RORA: variants seen among roughly 807,000 people sequenced by gnomAD.
The protein encoded by RORA is nuclear receptor ROR-alpha.
In RORA, 7 loss-of-function variants were observed where a neutral mutation model predicts 69.5. The ratio of observed to expected loss-of-function variants is 0.10; its 90% confidence interval spans 0.06 to 0.19. RORA has a LOEUF of 0.19. Among genes scored for constraint, RORA ranks in the 10% least tolerant of loss-of-function variants. RORA has a pLI of 1.00. For synonymous variants in RORA, 261 were observed against 240.8 expected, an observed-to-expected ratio of 1.08 and a Z score of -0.78; for missense variants, 457 against 663.0, an observed-to-expected ratio of 0.69 and a Z score of 3.41.
chr15:60,823,537 C>T (rs768666665), intron 1 of RORA, among the ~76,000 whole-genome samples: 3 of 152,180 alleles, frequency 2.0e-5, no homozygotes, highest in Non-Finnish European at 4.4e-5. Flanking sequence ...ACAGTGGGCA[C>T]TCAATACACA....
chr15:61,107,801 A>G (rs892466813), intron 1 of RORA, among the ~76,000 whole-genome samples: 1 of 151,994 alleles, frequency 6.6e-6, no homozygotes, highest in African/African-American at 2.4e-5. Context: ...GCAATTTAAC[A>G]AGACTTCACT....
chr15:60,650,235 A>G (rs540246095), intron 2 of RORA, among the ~76,000 whole-genome samples: 174 of 152,232 alleles, frequency 1.1e-3, no homozygotes, highest in Middle Eastern at 0.01. Context: ...GAGCTACCAC[A>G]AAACAAACAA....
intron 1 of RORA, among the ~76,000 whole-genome samples, chr15:61,206,661 C>A (rs1242059628): frequency 6.6e-6 from 1 of 152,180 alleles, no homozygotes; most frequent in Non-Finnish European, 1.5e-5. Flanking sequence ...AAAAATTTCA[C>A]CACTTTAAAG....
chr15:60,665,512 C>T (rs1185639610), intron 2 of RORA, among the ~76,000 whole-genome samples: 1 of 152,174 alleles, frequency 6.6e-6, no homozygotes, highest in Non-Finnish European at 1.5e-5. Flanking sequence ...TTAAATCTTA[C>T]AAACTGCAGA....
At chr15:60,648,811 G>A (rs1278819180) in intron 2 of RORA, among the ~76,000 whole-genome samples, 1 of 152,132 alleles carries the variant, frequency 6.6e-6, no homozygotes, top group African/African-American at 2.4e-5. Flanking sequence ...TCTTTTTGAG[G>A]GGGGAGAGGG....
chr15:61,149,664 A>G (rs973354756), intron 1 of RORA, among the ~76,000 whole-genome samples: 1 of 152,180 alleles, frequency 6.6e-6, no homozygotes, highest in Non-Finnish European at 1.5e-5. Context: ...TCCAGCCAGG[A>G]GCTCCAGGTA....
chr15:60,607,375 T>A (rs1456201171), intron 2 of RORA, among the ~76,000 whole-genome samples: 1 of 152,232 alleles, frequency 6.6e-6, no homozygotes, highest in Non-Finnish European at 1.5e-5. Flanking sequence ...AGTGATTTAG[T>A]TTAGGCACTT....
At chr15:60,583,770 G>A (rs925560205) in intron 2 of RORA, among the ~76,000 whole-genome samples, 1 of 152,130 alleles carries the variant, frequency 6.6e-6, no homozygotes, top group Non-Finnish European at 1.5e-5. Flanking sequence ...CTCACATCTG[G>A]CACCTCTTCC....
chr15:60,811,597 G>A (rs2072743362), intron 1 of RORA, among the ~76,000 whole-genome samples: 1 of 152,142 alleles, frequency 6.6e-6, no homozygotes. Flanking sequence ...GTTTAACATA[G>A]TAAAACAGTC....
At chr15:60,822,852 T>C (rs1029252474) in intron 1 of RORA, among the ~76,000 whole-genome samples, 1 of 152,196 alleles carries the variant, frequency 6.6e-6, no homozygotes, top group African/African-American at 2.4e-5. Context: ...TTCTAATATA[T>C]GCTAAGCTAA....
At chr15:60,958,433 A>C (rs1292614902) in intron 1 of RORA, among the ~76,000 whole-genome samples, 2 of 152,164 alleles carry the variant, frequency 1.3e-5, no homozygotes, top group Non-Finnish European at 2.9e-5. Flanking sequence ...TGGAGAGGAA[A>C]GTGGGATTTT....
chr15:60,781,794 G>T (rs1156825412), intron 1 of RORA, among the ~76,000 whole-genome samples: 1 of 152,200 alleles, frequency 6.6e-6, no homozygotes, highest in East Asian at 1.9e-4. Context: ...GGAACTGTTT[G>T]TTTCCCATTT....
At chr15:60,505,655 A>G (rs2065476144) in intron 5 of RORA, 26 bp from the exon 6 acceptor site, 2 of 1,608,614 alleles carry the variant, frequency 1.2e-6, no homozygotes, top group African/African-American at 1.3e-5. Flanking sequence ...GAGATCACAA[A>G]CACGAAAAGC....
At chr15:61,162,868 C>T (rs920418093) in intron 1 of RORA, among the ~76,000 whole-genome samples, 22 of 152,150 alleles carry the variant, frequency 1.4e-4, no homozygotes, top group Admixed American at 5.9e-4. Flanking sequence ...GAAACAAGGC[C>T]ACTATTACTG....
intron 1 of RORA, among the ~76,000 whole-genome samples, chr15:60,863,486 CA>C (rs1381831771): frequency 6.6e-6 from 1 of 152,200 alleles, no homozygotes; most frequent in Non-Finnish European, 1.5e-5. Flanking sequence ...GAACAGCACT[CA>C]AACACATTCT....
At chr15:60,548,707 G>T (rs530918218) in intron 2 of RORA, among the ~76,000 whole-genome samples, 1 of 152,006 alleles carries the variant, frequency 6.6e-6, no homozygotes, top group Non-Finnish European at 1.5e-5. Context: ...GCGCGATCTC[G>T]GCTCACTGCA....
chr15:61,046,174 G>A (rs1649953538), intron 1 of RORA, among the ~76,000 whole-genome samples: 1 of 152,176 alleles, frequency 6.6e-6, no homozygotes, highest in Admixed American at 6.5e-5. Context: ...AGGAGGGCAG[G>A]GGAGGTAGTG....
At chr15:60,627,100 C>A (rs1163532577) in intron 2 of RORA, 12 of 779,580 alleles carry the variant, frequency 1.5e-5, no homozygotes, top group Admixed American at 1.0e-4. Context: ...GGTAACAGTC[C>A]TCATGGGCTT....
intron 1 of RORA, among the ~76,000 whole-genome samples, chr15:61,137,012 T>C (rs964842979): frequency 4.5e-5 from 3 of 66,408 alleles, no homozygotes; most frequent in African/African-American, 1.7e-4. Flanking sequence ...CTCTAAAAAA[T>C]AAATAAAAAA....
Sources: allele counts gnomAD v4.1 joint callset (sites outside exome capture counted in the v4.1 genomes callset), GRCh38; gene constraint gnomAD v4.1.1; transcripts MANE v1.5; gene names NCBI Gene and HGNC (gene_info 2026-07-23, HGNC 2026-07-21).